The following DIAPH2 variants were observed in gnomAD, a reference collection of about 807,000 sequenced individuals.
DIAPH2 encodes the protein diaphanous related formin 2.
DIAPH2 carries 35 observed loss-of-function variants against 92.7 expected under a neutral mutation model. The observed-to-expected ratio is 0.38, with a 90% CI of 0.29 to 0.50. The LOEUF is 0.50. DIAPH2 is among the 20% of genes least tolerant of loss of function. The pLI is 0.94. For synonymous variants in DIAPH2, 301 were observed against 280.4 expected (o/e 1.07, Z -0.73); for missense variants, 701 against 819.5 (o/e 0.86, Z 1.77).
intron 1 of DIAPH2, among the ~76,000 whole-genome samples, chrX:96,707,283 C>T (rs1602441202): frequency 1.8e-5 from 2 of 108,879 alleles, no homozygotes; most frequent in Admixed American, 2.0e-4. Flanking sequence ...ATTCTCATGC[C>T]TCAGTCTCCC....
At chrX:97,353,481 G>GT (rs1313033808) in intron 24 of DIAPH2, among the ~76,000 whole-genome samples, 1 of 110,891 alleles carries the variant, frequency 9.0e-6, no homozygotes, top group Non-Finnish European at 1.9e-5. Flanking sequence ...GCTTCTGTGT[G>GT]TTTTTGTTTT....
intron 4 of DIAPH2, among the ~76,000 whole-genome samples, chrX:96,841,387 C>T (rs1217172810): frequency 2.7e-5 from 3 of 111,793 alleles, no homozygotes; most frequent in African/African-American, 9.8e-5. Context: ...GTTCACATTT[C>T]AACCTCTTAA....
intron 26 of DIAPH2, among the ~76,000 whole-genome samples, chrX:97,551,236 G>A (rs1222338249): frequency 1.8e-5 from 2 of 110,962 alleles, no homozygotes; most frequent in Non-Finnish European, 3.8e-5. Context: ...CACAGCTATC[G>A]GTTATGATAA....
intron 4 of DIAPH2, among the ~76,000 whole-genome samples, chrX:96,869,906 G>A (rs1403411569): frequency 3.6e-5 from 4 of 110,683 alleles, no homozygotes; most frequent in African/African-American, 1.3e-4. Context: ...CTCAGGCCCA[G>A]GAAGTCAAGT....
At chrX:96,695,578 C>A (rs1423375524) in intron 1 of DIAPH2, among the ~76,000 whole-genome samples, 3 of 111,898 alleles carry the variant, frequency 2.7e-5, no homozygotes, top group Non-Finnish European at 5.6e-5. Context: ...TTGCACTTTA[C>A]AGTAGGAACT....
chrX:97,003,569 C>T lies in DIAPH2; in HGVS notation c.2050+38362C>T, dbSNP rs745336622. On this transcript the variant is annotated intron_variant, in intron 17 of 26. Transcript: ENST00000324765. Reference sequence around the variant, plus strand: ...TCCGATGATCAATGATATTGAGCACCTTTTCATATCCCTGTTTGCTATTTG... The same window carrying T: ...TCCGATGATCAATGATATTGAGCACTTTTTCATATCCCTGTTTGCTATTTG... 2.7e-5 allele frequency among the ~76,000 whole-genome samples: 3 copies of T among 112,110 alleles called. No individual in the cohort carries two copies. The Admixed American group carries it at 2.8e-4, about 11-fold the overall frequency.
chrX:96,731,385 T>C (rs780437073), intron 1 of DIAPH2, among the ~76,000 whole-genome samples: 132 of 112,096 alleles, frequency 1.2e-3, no homozygotes, highest in African/African-American at 4.1e-3. Context: ...GCCAACTTAA[T>C]TCATTTTCTT....
chrX:96,767,063 C>T (rs1430404371), intron 4 of DIAPH2, among the ~76,000 whole-genome samples: 14 of 111,487 alleles, frequency 1.3e-4, no homozygotes, highest in Non-Finnish European at 5.7e-5. Context: ...GATCTTGATC[C>T]GCTCTCCCAT....
rs193001641 is a variant in DIAPH2, at chrX:97,498,830, G to A, written c.3241+69085G>A. On this transcript the variant is annotated intron_variant, in intron 26 of 26. Transcript: ENST00000324765. ...ATGTGAAAAAAGTACATTTTTAAAA[G>A]ATGTAATGTGGTGTCAGTAGCATAT... is the stretch of plus-strand genomic sequence containing the variant. Among the ~76,000 whole-genome samples the A allele has an allele frequency of 1.6e-3, 175 of 111,894 alleles. 1 individual carries two copies. The highest frequency in any genetic ancestry group is 5.0e-3 in the African/African-American group (155 of 30,869).
chrX:96,993,793 G>A (rs1157887200), intron 17 of DIAPH2, among the ~76,000 whole-genome samples: 1 of 112,125 alleles, frequency 8.9e-6, no homozygotes, highest in Non-Finnish European at 1.9e-5. Context: ...AATAATTAAA[G>A]ATGAATTGAG....
intron 17 of DIAPH2, among the ~76,000 whole-genome samples, chrX:97,039,138 T>C (rs1302644042): frequency 9.0e-6 from 1 of 111,380 alleles, no homozygotes; most frequent in Non-Finnish European, 1.9e-5. Flanking sequence ...AAAAACTGTA[T>C]CTTATTGTTT....
intron 16 of DIAPH2, among the ~76,000 whole-genome samples, chrX:96,963,621 C>G (rs2065877775): frequency 9.0e-6 from 1 of 111,565 alleles, no homozygotes; most frequent in African/African-American, 3.3e-5. Flanking sequence ...ACCCTTTTCC[C>G]ACATTGGGGG....
intron 23 of DIAPH2, among the ~76,000 whole-genome samples, chrX:97,344,573 C>G (rs1017120227): frequency 3.6e-5 from 4 of 111,956 alleles, no homozygotes; most frequent in Non-Finnish European, 5.6e-5. Context: ...AGTGCTGACT[C>G]GCCAGCCATC....
rs1046460727 is a variant in DIAPH2, at chrX:96,809,868, T to C, written c.447+51610T>C. On this transcript the variant is annotated intron_variant, in intron 4 of 26. Coordinates refer to ENST00000324765, the MANE Select transcript of DIAPH2 (RefSeq NM_006729.5). Reference sequence around the variant, plus strand: ...GAACTCATCATTTTTTATGGCTGCATAGTATTCCATGGTGTATATGTGCCA... The same window carrying C: ...GAACTCATCATTTTTTATGGCTGCACAGTATTCCATGGTGTATATGTGCCA... 5.3e-5 allele frequency among the ~76,000 whole-genome samples: 6 copies of C among 112,315 alleles called. No individual in the cohort carries two copies. The East Asian group carries it at 1.4e-3, about 26-fold the overall frequency.
intron 26 of DIAPH2, among the ~76,000 whole-genome samples, chrX:97,430,624 T>A (rs961589644): frequency 3.6e-5 from 4 of 112,498 alleles, no homozygotes; most frequent in African/African-American, 1.3e-4. Context: ...TCATTTAGAT[T>A]AATAAGATTT....
chrX:96,728,468 C>T (rs1201507041), intron 1 of DIAPH2, among the ~76,000 whole-genome samples: 2 of 111,774 alleles, frequency 1.8e-5, no homozygotes, highest in African/African-American at 3.3e-5. Flanking sequence ...GCCTTGGCCT[C>T]CCAAAGTGCT....
chrX:97,583,439 G>GGTGTCAGTGTGCC (rs1325160705), intron 26 of DIAPH2, among the ~76,000 whole-genome samples: 1 of 110,903 alleles, frequency 9.0e-6, no homozygotes, highest in Non-Finnish European at 1.9e-5. Context: ...TGCAGTGTGA[G>GGTGTCAGTGTGCC]GTGTCAGTGT....
chrX:97,439,917 C>T (rs1034348612), intron 26 of DIAPH2, among the ~76,000 whole-genome samples: 3 of 111,160 alleles, frequency 2.7e-5, no homozygotes, highest in Non-Finnish European at 5.7e-5. Context: ...AATCAGATAT[C>T]CTTATGCTAG....
chrX:97,545,434 A>G (rs995846112), intron 26 of DIAPH2, among the ~76,000 whole-genome samples: 1 of 108,533 alleles, frequency 9.2e-6, no homozygotes, highest in Non-Finnish European at 1.9e-5. Context: ...AGTTGAATTA[A>G]AAATGAATGT....
Sources: allele counts gnomAD v4.1 joint callset (sites outside exome capture counted in the v4.1 genomes callset), GRCh38; gene constraint gnomAD v4.1.1; transcripts MANE v1.5; gene names NCBI Gene and HGNC (gene_info 2026-07-23, HGNC 2026-07-21).